Variants in PITPNM2 observed in about 807,000 individuals in gnomAD.
PITPNM2 encodes membrane-associated phosphatidylinositol transfer protein 2.
PITPNM2 carries 35 observed loss-of-function variants against 132.2 expected under a neutral mutation model. That is an observed-to-expected ratio of 0.26 (90% CI 0.20 to 0.35). PITPNM2 has a LOEUF of 0.35. Among genes scored for constraint, PITPNM2 ranks in the 10% least tolerant of loss-of-function variants. The pLI, the probability that PITPNM2 is intolerant of heterozygous loss-of-function variation, is 1.00. For missense variants in PITPNM2, 1,332 were observed against 1,912.0 expected (o/e 0.70, Z 5.66); for synonymous variants, 738 against 799.2 (o/e 0.92, Z 1.29).
At chr12:123,007,520 G>T (rs1356965765) in intron 6 of PITPNM2, 1 of 410,688 alleles carries the variant, frequency 2.4e-6, no homozygotes, top group African/African-American at 2.1e-5. Flanking sequence ...AGGCTCCCAG[G>T]CTGGTCTCCT....
At position 122,987,441 on chromosome 12, in the gene PITPNM2, G is replaced by A. The variant is rs2037984240; in HGVS notation, c.3264-11C>T. 1 of 1,613,612 alleles carries A rather than the reference G, an allele frequency of 6.2e-7. No homozygotes were observed. Among genetic ancestry groups the A allele is most frequent in the Non-Finnish European group, 8.5e-7 (1 of 1,179,794 alleles). On this transcript the variant is annotated splice_polypyrimidine_tract_variant and intron_variant, in intron 22 of 25. Coordinates refer to ENST00000320201, the MANE Select transcript of PITPNM2 (RefSeq NM_020845.3). ...AACGTGTGGTCTCCCCTGGCAGGTG[G>A]TGGGGGTGCTCATCAGAACCACCCA...
At chr12:123,011,928 G>A (rs932041718) in intron 5 of PITPNM2, among the ~76,000 whole-genome samples, 3 of 152,008 alleles carry the variant, frequency 2.0e-5, no homozygotes, top group Non-Finnish European at 4.4e-5. Flanking sequence ...AGCAGAGGTG[G>A]GGGGGTTGGG....
intron 10 of PITPNM2, among the ~76,000 whole-genome samples, chr12:122,998,022 G>C (rs2038504535): frequency 6.6e-6 from 1 of 152,192 alleles, no homozygotes; most frequent in Non-Finnish European, 1.5e-5. Context: ...GTCTTGGCCT[G>C]AGCAGACAGG....
chr12:123,020,857 T>C (rs1405864059), intron 3 of PITPNM2, among the ~76,000 whole-genome samples: 1 of 151,370 alleles, frequency 6.6e-6, no homozygotes, highest in African/African-American at 2.4e-5. Flanking sequence ...ACCCTGTCTC[T>C]ACTAAAAACA....
chr12:123,054,473 A>G (rs1038143064), intron 2 of PITPNM2, among the ~76,000 whole-genome samples: 1 of 152,148 alleles, frequency 6.6e-6, no homozygotes, highest in Non-Finnish European at 1.5e-5. Context: ...TCTTTTTTAA[A>G]CTTGGGGTCA....
At chr12:123,142,919 T>C (rs1014354587) in intron 1 of PITPNM2, among the ~76,000 whole-genome samples, 8 of 150,594 alleles carry the variant, frequency 5.3e-5, no homozygotes, top group Non-Finnish European at 1.0e-4. Flanking sequence ...TCAACTGTTA[T>C]AAAGTACCAA....
At chr12:123,050,343 T>C (rs960611279) in intron 2 of PITPNM2, among the ~76,000 whole-genome samples, 3 of 152,174 alleles carry the variant, frequency 2.0e-5, no homozygotes, top group African/African-American at 7.2e-5. Context: ...ACAATCTCGC[T>C]GGAAACTCAA....
At chr12:123,019,996 C>G (rs933615234) in intron 3 of PITPNM2, among the ~76,000 whole-genome samples, 1 of 152,148 alleles carries the variant, frequency 6.6e-6, no homozygotes, top group Non-Finnish European at 1.5e-5. Flanking sequence ...AGAGGGAGCC[C>G]TGGAAGCGTG....
At chr12:123,092,529 G>A (rs1343129385) in intron 2 of PITPNM2, 2 of 152,294 alleles carry the variant, frequency 1.3e-5, no homozygotes, top group African/African-American at 4.8e-5. Context: ...TCTGTCATCA[G>A]TCAGGCTAAT....
intron 2 of PITPNM2, among the ~76,000 whole-genome samples, chr12:123,066,548 G>C (rs1451917843): frequency 1.3e-5 from 2 of 152,190 alleles, no homozygotes; most frequent in Non-Finnish European, 2.9e-5. Flanking sequence ...GACAAGCACA[G>C]ACTGAGAGCT....
intron 2 of PITPNM2, among the ~76,000 whole-genome samples, chr12:123,054,511 T>C (rs886244921): frequency 2.0e-5 from 3 of 152,232 alleles, no homozygotes; most frequent in Non-Finnish European, 2.9e-5. Flanking sequence ...AATCCTTTAC[T>C]GGTGGCAAAG....
chr12:123,081,631 C>T (rs1258458769), intron 2 of PITPNM2: 3 of 152,210 alleles, frequency 2.0e-5, no homozygotes, highest in Non-Finnish European at 2.9e-5. Flanking sequence ...AATCCAGACT[C>T]AGAAAGGGAG....
chr12:123,018,782 CTTTTTTTTTTT>C (rs57520928), intron 3 of PITPNM2, among the ~76,000 whole-genome samples: 1 of 121,436 alleles, frequency 8.2e-6, no homozygotes, highest in Non-Finnish European at 1.7e-5. Context: ...CTTTCCTTTC[CTTTTTTTTTTT>C]TTTTTTTTGA....
intron 2 of PITPNM2, among the ~76,000 whole-genome samples, chr12:123,050,782 A>T (rs572706142): frequency 6.6e-6 from 1 of 152,326 alleles, no homozygotes; most frequent in African/African-American, 2.4e-5. Context: ...GCTCTTCTTT[A>T]CAGAGCTATT....
Position 123,034,611 on chromosome 12 carries a change from G to A in PITPNM2, c.-21C>T, listed in dbSNP as rs761495653. On this transcript the variant is annotated 5_prime_UTR_variant, in exon 3 of 26. It adds an upstream start codon to the 5' untranslated region. Transcript: ENST00000320201. ...ATCATCTTGGAGTCCAAGCCTTCCCGTCGATGGGGAACTGCAAGTTGGGAC... is the reference window on the plus strand; with the variant it reads ...ATCATCTTGGAGTCCAAGCCTTCCCATCGATGGGGAACTGCAAGTTGGGAC... The A allele has an allele frequency of 6.6e-5, 107 of 1,610,164 alleles. No individual in the cohort carries two copies. Among genetic ancestry groups the A allele is most frequent in the Non-Finnish European group, 8.2e-5 (96 of 1,176,474 alleles).
Position 122,992,363 on chromosome 12 carries a change from C to T in PITPNM2, c.2404+136G>A. Reference sequence around the variant, plus strand: ...CCCACCCCCCACCCCCAACAGCTGTCCACCTCCAAGAGGCATTCAGCACAA... The same window carrying T: ...CCCACCCCCCACCCCCAACAGCTGTTCACCTCCAAGAGGCATTCAGCACAA... On this transcript the variant is annotated intron_variant, in intron 16 of 25. Coordinates refer to ENST00000320201, the MANE Select transcript of PITPNM2 (RefSeq NM_020845.3). The surrounding 1 kb of genome is among the most constrained non-coding windows in gnomAD (Gnocchi z 6.5). The T allele has an allele frequency of 2.3e-6, 1 of 428,550 alleles. No individual in the cohort carries two copies. The highest frequency in any genetic ancestry group is 9.0e-5 in the East Asian group (1 of 11,132). 26.5% of individuals were successfully genotyped at this position (428,550 alleles called of 1,614,324 possible).
intron 10 of PITPNM2, 98 bp from the exon 11 acceptor site, chr12:122,997,670 G>A: frequency 1.3e-6 from 2 of 1,492,538 alleles, no homozygotes; most frequent in Non-Finnish European, 9.1e-7. Context: ...CTTGCACGCA[G>A]CCCAACTGCT....
At chr12:123,127,813 G>T (rs561533559) in intron 1 of PITPNM2, among the ~76,000 whole-genome samples, 7 of 152,002 alleles carry the variant, frequency 4.6e-5, no homozygotes, top group African/African-American at 1.7e-4. Flanking sequence ...GTTTCACCGC[G>T]TTAGCCAGGA....
At position 123,004,297 on chromosome 12, in the gene PITPNM2, C is replaced by T. The variant is rs1379802309; in HGVS notation, c.1048+97G>A. On this transcript the variant is annotated intron_variant, in intron 8 of 25. Transcript: ENST00000320201. The surrounding 1 kb of genome is among the most constrained non-coding windows in gnomAD (Gnocchi z 4.9). ...CTGGATATAGAATAGTAACAGGCAA[C>T]ACCCGCATCAGTCCACACCCACACC... 3.6e-6 allele frequency: 4 copies of T among 1,126,650 alleles called. No homozygotes were observed. The highest frequency in any genetic ancestry group is 3.1e-5 in the African/African-American group (2 of 65,556). The allele number at this position is 1,126,650 out of a possible 1,614,324, so 69.8% of individuals were successfully genotyped here.
Sources: allele counts gnomAD v4.1 joint callset (sites outside exome capture counted in the v4.1 genomes callset), GRCh38; gene constraint gnomAD v4.1.1; non-coding constraint Gnocchi (gnomAD v3.1); transcripts MANE v1.5; gene names NCBI Gene and HGNC (gene_info 2026-07-23, HGNC 2026-07-21).